The following MLLT3 variants were observed in gnomAD, a reference collection of about 807,000 sequenced individuals.
MLLT3 encodes protein AF-9.
A neutral mutation model predicts 53.2 loss-of-function variants in MLLT3; 4 were observed. That is an observed-to-expected ratio of 0.08 (90% confidence interval 0.04 to 0.17). The LOEUF (loss-of-function observed/expected upper bound fraction) is 0.17. Among genes scored for constraint, MLLT3 ranks in the 10% least tolerant of loss-of-function variants. The probability of loss-of-function intolerance (pLI) is 1.00; values close to 1 mark genes in which losing one functional copy is unlikely to be tolerated. For missense variants in MLLT3, 569 were observed against 684.0 expected (o/e 0.83, Z 1.87); for synonymous variants, 283 against 230.6 (o/e 1.23, Z -2.06).
At chr9:20,436,356 T>C (rs1400297221) in intron 4 of MLLT3, among the ~76,000 whole-genome samples, 1 of 152,152 alleles carries the variant, frequency 6.6e-6, no homozygotes, top group Non-Finnish European at 1.5e-5. Context: ...GATTTCTAAT[T>C]ATCATATTCT....
chr9:20,469,229 T>A (rs1195387918), intron 2 of MLLT3, among the ~76,000 whole-genome samples: 1 of 152,170 alleles, frequency 6.6e-6, no homozygotes. Context: ...TAGAGTGGCA[T>A]ATGAACTCCA....
chr9:20,471,046 T>G (rs1161868151), intron 2 of MLLT3, among the ~76,000 whole-genome samples: 1 of 152,026 alleles, frequency 6.6e-6, no homozygotes, highest in African/African-American at 2.4e-5. Context: ...ATCTATAACA[T>G]AAGGAAATAA....
At chr9:20,440,729 A>G (rs1823527326) in intron 4 of MLLT3, among the ~76,000 whole-genome samples, 1 of 152,138 alleles carries the variant, frequency 6.6e-6, no homozygotes, top group Non-Finnish European at 1.5e-5. Context: ...TTTCAACTGC[A>G]ATATTTTTGT....
intron 5 of MLLT3, among the ~76,000 whole-genome samples, chr9:20,369,726 T>C (rs761948818): frequency 6.6e-6 from 1 of 152,204 alleles, no homozygotes; most frequent in Non-Finnish European, 1.5e-5. Flanking sequence ...AGGATGATTA[T>C]ATAAACTAAA....
At chr9:20,604,430 C>A (rs1820513447) in intron 2 of MLLT3, among the ~76,000 whole-genome samples, 1 of 152,016 alleles carries the variant, frequency 6.6e-6, no homozygotes, top group Admixed American at 6.6e-5. Context: ...TTTAAACAGT[C>A]TAAGCTGAAG....
chr9:20,622,417 T>TGCTCGCTCGCTC lies in MLLT3; in HGVS notation c.-173_-162dup. 3.1e-6 allele frequency: 2 copies of TGCTCGCTCGCTC among 644,848 alleles called. No individual in the cohort carries two copies. Among genetic ancestry groups the TGCTCGCTCGCTC allele is most frequent in the Non-Finnish European group, 5.2e-6 (2 of 384,368 alleles). The allele number at this position is 644,848 out of a possible 1,614,324, so 39.9% of individuals were successfully genotyped here. A position where few individuals can be genotyped will look rare whatever the true frequency, so the allele number is the denominator to read the frequency against. On this transcript the variant is annotated 5_prime_UTR_variant, in exon 1 of 11. Coordinates refer to ENST00000380338, the MANE Select transcript of MLLT3 (RefSeq NM_004529.4). ...CTGCCTTTTTCCCCCCGCGCTCGCT[T>TGCTCGCTCGCTC]GCTCGCTCGCTCGCTTATTAAACTC...
intron 5 of MLLT3, among the ~76,000 whole-genome samples, chr9:20,369,155 G>A (rs1336491805): frequency 6.6e-6 from 1 of 152,156 alleles, no homozygotes; most frequent in South Asian, 2.1e-4. Flanking sequence ...ATGCTGATGA[G>A]AACCACTGAT....
intron 2 of MLLT3, among the ~76,000 whole-genome samples, chr9:20,598,964 G>C (rs906926999): frequency 6.6e-6 from 1 of 152,206 alleles, no homozygotes; most frequent in African/African-American, 2.4e-5. Flanking sequence ...CAATGATTAA[G>C]AGATGTGCCA....
At chr9:20,538,007 G>T (rs557527073) in intron 2 of MLLT3, among the ~76,000 whole-genome samples, 3 of 152,096 alleles carry the variant, frequency 2.0e-5, no homozygotes, top group African/African-American at 7.2e-5. Flanking sequence ...ACTATTAAAA[G>T]ATTTGGAAAC....
chr9:20,357,637 G>T (rs1216703874), intron 8 of MLLT3, among the ~76,000 whole-genome samples: 1 of 152,166 alleles, frequency 6.6e-6, no homozygotes, highest in Non-Finnish European at 1.5e-5. Flanking sequence ...CAGTACTCAG[G>T]TTAATTACTT....
intron 5 of MLLT3, among the ~76,000 whole-genome samples, chr9:20,403,824 T>C (rs1431654261): frequency 6.6e-6 from 1 of 152,152 alleles, no homozygotes; most frequent in Non-Finnish European, 1.5e-5. Flanking sequence ...CTAAACTTTT[T>C]TTTGTTTTTC....
At chr9:20,377,876 G>T (rs957251721) in intron 5 of MLLT3, among the ~76,000 whole-genome samples, 3 of 152,022 alleles carry the variant, frequency 2.0e-5, no homozygotes. Context: ...GGTCAAAAAT[G>T]CAACATTTTC....
At chr9:20,430,317 T>C (rs936776628) in intron 4 of MLLT3, among the ~76,000 whole-genome samples, 5 of 152,078 alleles carry the variant, frequency 3.3e-5, no homozygotes, top group Non-Finnish European at 7.4e-5. Context: ...GAGTCTAAAA[T>C]GTATATGAAG....
At chr9:20,617,121 C>T (rs1820850464) in intron 2 of MLLT3, among the ~76,000 whole-genome samples, 1 of 152,172 alleles carries the variant, frequency 6.6e-6, no homozygotes, top group African/African-American at 2.4e-5. Flanking sequence ...ACAAATAACA[C>T]TCGCTGAATC....
chr9:20,519,643 T>G (rs1289934168), intron 2 of MLLT3, among the ~76,000 whole-genome samples: 3 of 152,104 alleles, frequency 2.0e-5, no homozygotes, highest in Admixed American at 2.0e-4. Flanking sequence ...AAAACCACAG[T>G]GAGAAACCAT....
At chr9:20,353,699 T>C (rs1483737212) in intron 9 of MLLT3, 103 bp from the exon 10 acceptor site, 9 of 998,654 alleles carry the variant, frequency 9.0e-6, no homozygotes, top group Non-Finnish European at 1.3e-5. Flanking sequence ...CAGCTGGAGG[T>C]TTCTCATTAC....
At chr9:20,582,744 T>C (rs756249251) in intron 2 of MLLT3, among the ~76,000 whole-genome samples, 33 of 152,094 alleles carry the variant, frequency 2.2e-4, no homozygotes, top group Non-Finnish European at 3.8e-4. Flanking sequence ...ACCCATCAGA[T>C]CTTGTGAGAC....
chr9:20,355,010 A>G, intron 8 of MLLT3, 131 bp from the exon 9 acceptor site: 5 of 504,902 alleles, frequency 9.9e-6, no homozygotes, highest in Non-Finnish European at 1.7e-5. Context: ...TTTCTTTTCT[A>G]TACATTTTCC....
At chr9:20,355,095 T>TAAAAAAAAAAAAAAAAAAAAAAAAAAA (rs531598773) in intron 8 of MLLT3, among the ~76,000 whole-genome samples, 1 of 64,162 alleles carries the variant, frequency 1.6e-5, no homozygotes, top group Non-Finnish European at 3.4e-5. Flanking sequence ...AAAGTAGAAC[T>TAAAAAAAAAAAAAAAAAAAAAAAAAAA]AAAAAAAAAA....
Sources: allele counts gnomAD v4.1 joint callset (sites outside exome capture counted in the v4.1 genomes callset), GRCh38; gene constraint gnomAD v4.1.1; transcripts MANE v1.5; gene names NCBI Gene and HGNC (gene_info 2026-07-23, HGNC 2026-07-21).